The following TAF12 variants were observed in gnomAD, a reference collection of about 807,000 sequenced individuals.
TAF12 encodes transcription initiation factor TFIID subunit 12.
A neutral mutation model predicts 20.8 loss-of-function variants in TAF12; 3 were observed. The observed-to-expected ratio is 0.14, with a 90% CI of 0.07 to 0.37. The LOEUF (loss-of-function observed/expected upper bound fraction) is 0.37. TAF12 is among the 10% of genes least tolerant of loss of function. TAF12 has a pLI of 1.00. For missense variants in TAF12, 131 were observed against 197.9 expected (o/e 0.66, Z 2.03); for synonymous variants, 69 against 70.2 (o/e 0.98, Z 0.09).
chr1:28,642,685 T>C, intron 1 of TAF12: 1 of 985,476 alleles, frequency 1.0e-6, no homozygotes. Flanking sequence ...CACGCCCCGT[T>C]CCTTTCTGAC....
At chr1:28,631,045 C>CAAAAA (rs903921514) in intron 1 of TAF12, among the ~76,000 whole-genome samples, 4 of 52,928 alleles carry the variant, frequency 7.6e-5, no homozygotes, top group Non-Finnish European at 3.8e-5. Flanking sequence ...ACTCCGTCTC[C>CAAAAA]AAAAAAAAAA....
intron 1 of TAF12, among the ~76,000 whole-genome samples, chr1:28,639,670 A>T (rs189280140): frequency 6.6e-6 from 1 of 152,120 alleles, no homozygotes; most frequent in Non-Finnish European, 1.5e-5. Flanking sequence ...GCTTTCCCTT[A>T]TAAGTTGGTA....
At chr1:28,607,303 G>A (rs1312329294) in intron 4 of TAF12, among the ~76,000 whole-genome samples, 2 of 152,122 alleles carry the variant, frequency 1.3e-5, no homozygotes, top group Admixed American at 6.6e-5. Context: ...AGGCCAAGAC[G>A]GGAAGACTGC....
chr1:28,644,492 G>A (rs905202973), upstream of TAF12, among the ~76,000 whole-genome samples: 2 of 152,104 alleles, frequency 1.3e-5, no homozygotes, highest in Admixed American at 6.6e-5. Context: ...ATGTATATAC[G>A]TTCATTTGAC....
Position 28,605,252 on chromosome 1 carries a change from G to A in TAF12, c.450+120C>T, listed in dbSNP as rs978978894. The A allele has an allele frequency of 5.1e-6, 5 of 974,462 alleles. No individual in the cohort carries two copies. In the African/African-American group the frequency reaches 8.1e-5, roughly 16 times the overall value. 60.4% of individuals were successfully genotyped at this position (974,462 alleles called of 1,614,324 possible). A position where few individuals can be genotyped will look rare whatever the true frequency, so the allele number is the denominator to read the frequency against. On this transcript the variant is annotated intron_variant, in intron 5 of 5. Transcript: ENST00000373824. ...TGCCCTCTCTGACCCTTGCTCCAGAGAGTGAAGTTTGCTGTGTGGAGGAAG... is the reference window on the plus strand; with the variant it reads ...TGCCCTCTCTGACCCTTGCTCCAGAAAGTGAAGTTTGCTGTGTGGAGGAAG...
At chr1:28,614,109 G>A (rs1189292505) in intron 3 of TAF12, among the ~76,000 whole-genome samples, 3 of 151,964 alleles carry the variant, frequency 2.0e-5, no homozygotes, top group Non-Finnish European at 4.4e-5. Flanking sequence ...GTGGTGGCAC[G>A]TGCCTGTAGT....
intron 1 of TAF12, among the ~76,000 whole-genome samples, chr1:28,625,821 G>A (rs1447831276): frequency 4.6e-5 from 7 of 151,216 alleles, no homozygotes; most frequent in East Asian, 2.0e-4. Flanking sequence ...GATTACAGGC[G>A]TGAGCCACCG....
rs61014708 is a variant in TAF12, at chr1:28,623,511, T to TAAATA, written c.-84-1347_-84-1346insTATTT. 3.6e-3 allele frequency among the ~76,000 whole-genome samples: 543 copies of TAAATA among 151,814 alleles called. 3 individuals carry two copies. The highest frequency in any genetic ancestry group is 0.012 in the African/African-American group (492 of 41,388). On this transcript the variant is annotated intron_variant, in intron 1 of 5. Transcript: ENST00000373824. ...AAAAATAAATAAATAAATAAATAAA[T>TAAATA]AAACTAGAATAAGCAAGACATTTTT...
At chr1:28,639,911 G>T (rs895451974) in intron 1 of TAF12, among the ~76,000 whole-genome samples, 1 of 151,200 alleles carries the variant, frequency 6.6e-6, no homozygotes, top group Non-Finnish European at 1.5e-5. Flanking sequence ...ACACAATCTC[G>T]GCTCATTGAA....
At chr1:28,637,058 A>G (rs1374881658) in intron 1 of TAF12, among the ~76,000 whole-genome samples, 1 of 152,054 alleles carries the variant, frequency 6.6e-6, no homozygotes, top group Non-Finnish European at 1.5e-5. Flanking sequence ...CTGGCACCAT[A>G]TAAGTGTTCT....
Position 28,616,085 on chromosome 1 carries a change from G to C in TAF12, c.246+1868C>G, listed in dbSNP as rs143924621. On this transcript the variant is annotated intron_variant, in intron 3 of 5. Coordinates refer to ENST00000373824, the MANE Select transcript of TAF12 (RefSeq NM_005644.4). Reference sequence around the variant, plus strand: ...AATTATACTTCAAATCAGCTTTTCAGTGAGTGATTCTTTAAGAATGAATAG... The same window carrying C: ...AATTATACTTCAAATCAGCTTTTCACTGAGTGATTCTTTAAGAATGAATAG... Among the ~76,000 whole-genome samples, 15 of 152,264 alleles carry C rather than the reference G, an allele frequency of 9.9e-5. No individual in the cohort carries two copies. The East Asian group carries it at 2.7e-3, about 27-fold the overall frequency.
At chr1:28,624,206 A>G (rs886202772) in intron 1 of TAF12, among the ~76,000 whole-genome samples, 1 of 152,218 alleles carries the variant, frequency 6.6e-6, no homozygotes, top group Non-Finnish European at 1.5e-5. Context: ...AGCAACTTTG[A>G]AAATTAATTA....
chr1:28,638,226 G>A (rs1395192491), intron 1 of TAF12, among the ~76,000 whole-genome samples: 1 of 150,244 alleles, frequency 6.7e-6, no homozygotes, highest in Non-Finnish European at 1.5e-5. Flanking sequence ...TCTCACTCTT[G>A]TCACCCAGGC....
chr1:28,635,997 T>C (rs551225078), intron 1 of TAF12, among the ~76,000 whole-genome samples: 1 of 152,276 alleles, frequency 6.6e-6, no homozygotes, highest in African/African-American at 2.4e-5. Context: ...TGACTTCACT[T>C]AATGACTGGT....
intron 1 of TAF12, among the ~76,000 whole-genome samples, chr1:28,626,239 T>C (rs1473052694): frequency 1.3e-5 from 2 of 149,234 alleles, no homozygotes; most frequent in Non-Finnish European, 3.0e-5. Flanking sequence ...GGGCCTCCCA[T>C]AGTGCTGGGA....
chr1:28,619,806 C>T (rs1159119094), intron 2 of TAF12, among the ~76,000 whole-genome samples: 1 of 151,668 alleles, frequency 6.6e-6, no homozygotes, highest in Non-Finnish European at 1.5e-5. Flanking sequence ...CAAAAATTAG[C>T]TGGGCATGGT....
intron 1 of TAF12, among the ~76,000 whole-genome samples, chr1:28,635,306 T>TG (rs752758431): frequency 1.1e-5 from 1 of 92,104 alleles, no homozygotes; most frequent in Non-Finnish European, 2.2e-5. Flanking sequence ...TTTTTTGAGA[T>TG]GGAGTCTCAC....
At chr1:28,606,016 G>A (rs1352918548) in intron 4 of TAF12, among the ~76,000 whole-genome samples, 1 of 151,308 alleles carries the variant, frequency 6.6e-6, no homozygotes, top group Non-Finnish European at 1.5e-5. Flanking sequence ...TTTATTTTTT[G>A]GAGATGGAGT....
At chr1:28,647,948 G>A (rs1668241099), upstream of TAF12, among the ~76,000 whole-genome samples, 1 of 151,882 alleles carries the variant, frequency 6.6e-6, no homozygotes, top group African/African-American at 2.4e-5. Flanking sequence ...TCACATTAAT[G>A]CTATGCTGTA....
Sources: allele counts gnomAD v4.1 joint callset (sites outside exome capture counted in the v4.1 genomes callset), GRCh38; gene constraint gnomAD v4.1.1; transcripts MANE v1.5; gene names NCBI Gene and HGNC (gene_info 2026-07-23, HGNC 2026-07-21).